Variants in LIPC observed in about 807,000 individuals in gnomAD.
LIPC encodes the protein hepatic triacylglycerol lipase.
A neutral mutation model predicts 50.7 loss-of-function variants in LIPC; 44 were observed. The observed-to-expected ratio is 0.87, with a 90% CI of 0.68 to 1.11. LIPC has a LOEUF of 1.11. LIPC is among the 50% of genes most tolerant of loss of function. The pLI, the probability that LIPC is intolerant of heterozygous loss-of-function variation, is 0.00. For synonymous variants in LIPC, 271 were observed against 256.4 expected (o/e 1.06, Z -0.54); for missense variants, 697 against 648.2 (o/e 1.08, Z -0.82).
intron 5 of LIPC, among the ~76,000 whole-genome samples, chr15:58,546,891 C>A (rs1257484296): frequency 6.6e-6 from 1 of 152,104 alleles, no homozygotes; most frequent in Non-Finnish European, 1.5e-5. Context: ...ACCGCCCAGG[C>A]CTGAGAGAGC....
chr15:58,446,451 C>T (rs528590834), intron 1 of LIPC, among the ~76,000 whole-genome samples: 1 of 152,290 alleles, frequency 6.6e-6, no homozygotes, highest in African/African-American at 2.4e-5. Context: ...CTCCAATTTT[C>T]CCAGTTGTCC....
chr15:58,447,989 G>C (rs562336260), intron 1 of LIPC, among the ~76,000 whole-genome samples: 2 of 152,286 alleles, frequency 1.3e-5, no homozygotes, highest in South Asian at 4.1e-4. Context: ...ACTACGTCTA[G>C]CATTTTGCTT....
At chr15:58,446,017 C>T (rs1192612968) in intron 1 of LIPC, among the ~76,000 whole-genome samples, 1 of 152,144 alleles carries the variant, frequency 6.6e-6, no homozygotes, top group Non-Finnish European at 1.5e-5. Context: ...ATATTCCCTC[C>T]AGATAGACTC....
At chr15:58,460,729 G>A (rs1894316482) in intron 1 of LIPC, among the ~76,000 whole-genome samples, 2 of 152,188 alleles carry the variant, frequency 1.3e-5, no homozygotes, top group Non-Finnish European at 2.9e-5. Flanking sequence ...TTTCCAGGGA[G>A]AGTTTAGAGA....
chr15:58,552,707 A>G (rs1893809679), intron 6 of LIPC, among the ~76,000 whole-genome samples: 1 of 152,174 alleles, frequency 6.6e-6, no homozygotes, highest in Admixed American at 6.5e-5. Context: ...TCTCTCAGCT[A>G]CTTCTTTGGA....
At chr15:58,441,633 T>C (rs1166877350) in intron 1 of LIPC, among the ~76,000 whole-genome samples, 1 of 152,140 alleles carries the variant, frequency 6.6e-6, no homozygotes, top group Non-Finnish European at 1.5e-5. Context: ...CTTGTGCTGG[T>C]TGAGTCTAAG....
intron 1 of LIPC, among the ~76,000 whole-genome samples, chr15:58,483,075 T>A (rs1325392913): frequency 6.6e-6 from 1 of 152,140 alleles, no homozygotes; most frequent in African/African-American, 2.4e-5. Flanking sequence ...CTCCCTACCA[T>A]GGACATAAAA....
At chr15:58,556,715 T>G (rs1271748344) in intron 6 of LIPC, among the ~76,000 whole-genome samples, 3 of 152,174 alleles carry the variant, frequency 2.0e-5, no homozygotes, top group African/African-American at 7.2e-5. Context: ...TTCATAAGAG[T>G]AAATCACATG....
At chr15:58,538,626 T>C (rs1893222488) in intron 2 of LIPC, 109 bp downstream of exon 2, 2 of 1,062,916 alleles carry the variant, frequency 1.9e-6, no homozygotes, top group Non-Finnish European at 2.9e-6. Context: ...AACAACTCCA[T>C]GCATAATGTT....
At chr15:58,483,747 G>A (rs1891271200) in intron 1 of LIPC, among the ~76,000 whole-genome samples, 1 of 152,056 alleles carries the variant, frequency 6.6e-6, no homozygotes, top group African/African-American at 2.4e-5. Context: ...TTTTTTTAAT[G>A]AGACCTCTTT....
chr15:58,474,533 G>GT (rs1272778481), intron 1 of LIPC, among the ~76,000 whole-genome samples: 11 of 114,790 alleles, frequency 9.6e-5, no homozygotes, highest in Admixed American at 6.9e-4. Context: ...AAAAAAAAAA[G>GT]AGGCTTTTCA....
At chr15:58,465,815 C>A in intron 1 of LIPC, among the ~76,000 whole-genome samples, 1 of 152,184 alleles carries the variant, frequency 6.6e-6, no homozygotes, top group East Asian at 1.9e-4. Context: ...AATCTTCTGT[C>A]TTCTCTACTC....
At chr15:58,521,412 G>A (rs150535249) in intron 1 of LIPC, 14 of 152,276 alleles carry the variant, frequency 9.2e-5, no homozygotes, top group Non-Finnish European at 8.8e-5. Flanking sequence ...GCCCCACCCC[G>A]ACCAGCTGTC....
chr15:58,482,621 C>T (rs1163830659), intron 1 of LIPC, among the ~76,000 whole-genome samples: 5 of 152,222 alleles, frequency 3.3e-5, no homozygotes, highest in African/African-American at 1.2e-4. Flanking sequence ...CCAGCACCCT[C>T]CATGGCTGGG....
chr15:58,565,396 C>A, intron 8 of LIPC: 2 of 1,481,796 alleles, frequency 1.3e-6, no homozygotes, highest in Admixed American at 2.2e-5. Flanking sequence ...AAGCACAACA[C>A]TACCTTCTCC....
chr15:58,492,179 G>A (rs1566927623), intron 1 of LIPC, among the ~76,000 whole-genome samples: 1 of 152,124 alleles, frequency 6.6e-6, no homozygotes, highest in Non-Finnish European at 1.5e-5. Context: ...GGCCCACCCT[G>A]CCCTCAGTTC....
At chr15:58,449,306 A>T (rs1478779296) in intron 1 of LIPC, among the ~76,000 whole-genome samples, 1 of 152,204 alleles carries the variant, frequency 6.6e-6, no homozygotes, top group African/African-American at 2.4e-5. Context: ...ATTTGCAAGG[A>T]TGCTCTGCTA....
intron 1 of LIPC, among the ~76,000 whole-genome samples, chr15:58,452,611 A>T (rs1447672902): frequency 1.3e-5 from 2 of 152,240 alleles, no homozygotes; most frequent in East Asian, 3.9e-4. Context: ...CTGATTTGAC[A>T]TTCTTCCCTT....
intron 1 of LIPC, among the ~76,000 whole-genome samples, chr15:58,491,274 C>T (rs1184108451): frequency 2.0e-5 from 3 of 152,130 alleles, no homozygotes; most frequent in African/African-American, 7.2e-5. Flanking sequence ...CCAGGCAGTG[C>T]CATAGAGTGG....
Sources: allele counts gnomAD v4.1 joint callset (sites outside exome capture counted in the v4.1 genomes callset), GRCh38; gene constraint gnomAD v4.1.1; transcripts MANE v1.5; gene names NCBI Gene and HGNC (gene_info 2026-07-23, HGNC 2026-07-21).